LATS1: variants seen among roughly 807,000 people sequenced by gnomAD.
LATS1 encodes the protein large tumor suppressor kinase 1.
LATS1 carries 25 observed loss-of-function variants against 106.6 expected under a neutral mutation model. The observed-to-expected ratio is 0.23, with a 90% confidence interval of 0.17 to 0.33. The LOEUF is 0.33. LATS1 is among the 10% of genes least tolerant of loss of function. The pLI is 1.00. For synonymous variants in LATS1, 465 were observed against 455.6 expected, an observed-to-expected ratio of 1.02 and a Z score of -0.26; for missense variants, 1,040 against 1,382.6, an observed-to-expected ratio of 0.75 and a Z score of 3.93.
Position 149,662,089 on chromosome 6 carries a change from T to G in LATS1, c.3033A>C (p.Lys1011Asn), listed in dbSNP as rs1780908421. The change falls in exon 8 of 8, where the codon AAA (lysine) becomes AAC (asparagine). Residue 1011 changes from lysine to asparagine, a missense_variant. Physicochemically the swap from Lys to Asn is moderately conservative, Grantham distance 94 (BLOSUM62 0). Transcript: ENST00000543571. The part of the protein sequence containing the change: ...ADEIKAHPFF[K>N]TIDFSSDLRQ... ...TCAGGTCACTGGAGAAGTCAATTGT[T>G]TTAAAAAATGGATGAGCTTTTATTT... is the stretch of plus-strand genomic sequence containing the variant. 1.2e-6 allele frequency: 2 copies of G among 1,614,064 alleles called. No individual in the cohort carries two copies. Among genetic ancestry groups the G allele is most frequent in the Non-Finnish European group, 1.7e-6 (2 of 1,180,044 alleles).
In LATS1 at chr6:149,669,195, G is replaced by A. The variant is rs566576990; in HGVS notation, c.2884-6957C>T. 4.5e-4 allele frequency among the ~76,000 whole-genome samples: 68 copies of A among 151,672 alleles called. 1 individual carries two copies. The South Asian group carries it at 0.012, about 26-fold the overall frequency. ...GTTACCCAGGCTGGAGTGCAGTGGC[G>A]CCATCTCGGCTCACTTCAAGCTCTG... On this transcript the variant is annotated intron_variant, in intron 7 of 7. Transcript: ENST00000543571.
At position 149,702,229 on chromosome 6, in the gene LATS1, A is replaced by T; in HGVS notation, c.-103T>A. Reference sequence around the variant, plus strand: ...AAAATGATCCTTCAAGGAAGTCCCCAGGACTGTTAAAATTCTTTACAATAT... The same window carrying T: ...AAAATGATCCTTCAAGGAAGTCCCCTGGACTGTTAAAATTCTTTACAATAT... On this transcript the variant is annotated 5_prime_UTR_variant, in exon 2 of 8. Transcript: ENST00000543571. 1 of 667,828 alleles carries T rather than the reference A, an allele frequency of 1.5e-6. No individual in the cohort carries two copies. Among genetic ancestry groups the T allele is most frequent in the Non-Finnish European group, 2.5e-6 (1 of 393,234 alleles). The allele number at this position is 667,828 out of a possible 1,614,324, so 41.4% of individuals were successfully genotyped here. A position where few individuals can be genotyped will look rare whatever the true frequency, so the allele number is the denominator to read the frequency against.
intron 4 of LATS1, among the ~76,000 whole-genome samples, chr6:149,682,430 T>C (rs1782099743): frequency 6.6e-6 from 1 of 151,212 alleles, no homozygotes; most frequent in African/African-American, 2.4e-5. Context: ...TTTTTTTTTT[T>C]TGAGACGGAG....
At chr6:149,665,874 G>A (rs1023751068) in intron 7 of LATS1, among the ~76,000 whole-genome samples, 2 of 152,054 alleles carry the variant, frequency 1.3e-5, no homozygotes, top group East Asian at 3.9e-4. Flanking sequence ...TGGGCACGGT[G>A]GCTCACGCTG....
chr6:149,711,148 A>C (rs1198072860), intron 1 of LATS1, among the ~76,000 whole-genome samples: 1 of 152,282 alleles, frequency 6.6e-6, no homozygotes, highest in Admixed American at 6.5e-5. Context: ...TTACCAATAC[A>C]TGTGAACTTC....
intron 3 of LATS1, among the ~76,000 whole-genome samples, chr6:149,687,579 A>G (rs1201856056): frequency 1.3e-5 from 2 of 151,402 alleles, no homozygotes; most frequent in African/African-American, 2.4e-5. Flanking sequence ...ACAGGCATGC[A>G]TCACCATGCC....
chr6:149,687,995 C>A (rs1231557037), intron 3 of LATS1, among the ~76,000 whole-genome samples: 5 of 152,006 alleles, frequency 3.3e-5, no homozygotes, highest in Admixed American at 6.6e-5. Flanking sequence ...CTGCCTCAGC[C>A]TCCTGAGTAG....
intron 3 of LATS1, among the ~76,000 whole-genome samples, chr6:149,688,210 A>G (rs900232119): frequency 6.6e-6 from 1 of 151,566 alleles, no homozygotes; most frequent in Non-Finnish European, 1.5e-5. Context: ...ATTTTATCCA[A>G]CTTAAATCCA....
At chr6:149,664,822 T>C (rs1415874418) in intron 7 of LATS1, among the ~76,000 whole-genome samples, 1 of 152,162 alleles carries the variant, frequency 6.6e-6, no homozygotes, top group African/African-American at 2.4e-5. Flanking sequence ...CCCGAGTAAC[T>C]GGGACTACAG....
intron 3 of LATS1, among the ~76,000 whole-genome samples, chr6:149,687,827 C>T (rs892595318): frequency 2.0e-5 from 3 of 151,786 alleles, no homozygotes; most frequent in Admixed American, 1.3e-4. Flanking sequence ...CCTTGGCCTC[C>T]AAAGTGCTGG....
intron 7 of LATS1, among the ~76,000 whole-genome samples, chr6:149,673,525 A>G (rs994922319): frequency 1.3e-5 from 2 of 151,870 alleles, no homozygotes; most frequent in Non-Finnish European, 2.9e-5. Context: ...TCTCTCTCTC[A>G]TACACCTACA....
intron 1 of LATS1, among the ~76,000 whole-genome samples, chr6:149,715,172 G>A (rs1295924057): frequency 1.3e-5 from 2 of 152,174 alleles, no homozygotes; most frequent in East Asian, 3.9e-4. Context: ...GGGTTCAAGT[G>A]ATTCTCCTGC....
At position 149,683,952 on chromosome 6, in the gene LATS1, T is replaced by C; in HGVS notation, c.1137A>G (p.Thr379=). Residue 379 remains threonine (T), a synonymous_variant, in exon 4 of 8, where the codon ACA becomes ACG. Transcript: ENST00000543571. ...CAGAAGGGCTTTGTCCATTAGCTGC[T>C]GTCAGAGGATATGGAGGTGGTGGCT... ...NRQPPPPYPL[T]AANGQSPSAL... The C allele has an allele frequency of 1.9e-6, 3 of 1,614,258 alleles. No homozygotes were observed. Among genetic ancestry groups the C allele is most frequent in the Non-Finnish European group, 1.7e-6 (2 of 1,180,044 alleles).
chr6:149,711,098 A>G (rs562673361), intron 1 of LATS1, among the ~76,000 whole-genome samples: 2 of 152,278 alleles, frequency 1.3e-5, no homozygotes, highest in African/African-American at 2.4e-5. Flanking sequence ...CAACCAAATG[A>G]GAGGAGGAGG....
At chr6:149,687,873 CTTTT>C (rs1040108644) in intron 3 of LATS1, among the ~76,000 whole-genome samples, 1 of 133,856 alleles carries the variant, frequency 7.5e-6, no homozygotes. Context: ...TGACCCTCCT[CTTTT>C]TTTTTTTTTT....
At chr6:149,694,281 G>A (rs572572428) in intron 3 of LATS1, among the ~76,000 whole-genome samples, 7 of 152,204 alleles carry the variant, frequency 4.6e-5, no homozygotes, top group African/African-American at 1.4e-4. Flanking sequence ...AAATAAAGCC[G>A]ATGCCCAAAA....
In LATS1 at chr6:149,691,994, T is replaced by G. The variant is rs2114883590; in HGVS notation, c.496+3080A>C. 2.0e-5 allele frequency among the ~76,000 whole-genome samples: 3 copies of G among 152,318 alleles called. No individual in the cohort carries two copies. In the South Asian group the frequency reaches 6.2e-4, roughly 32 times the overall value. On this transcript the variant is annotated intron_variant, in intron 3 of 7. Transcript: ENST00000543571. ...CCCATCCCTCTTAATTCATTTATTT[T>G]CTTCACTGCTATCGCCCAAGCCCAA...
rs555230114 is a variant in LATS1, at chr6:149,666,111, C to T, written c.2884-3873G>A. On this transcript the variant is annotated intron_variant, in intron 7 of 7. Coordinates refer to ENST00000543571, the MANE Select transcript of LATS1 (RefSeq NM_004690.4). ...GATCGCACCACTGCACTCACTCCAG[C>T]CTGGGTGACAGAGAGAGACTCCGTC... Among the ~76,000 whole-genome samples the T allele has an allele frequency of 1.2e-3, 149 of 129,512 alleles. 1 individual carries two copies. Among genetic ancestry groups the T allele is most frequent in the South Asian group, 4.1e-3 (17 of 4,116 alleles). The allele number at this position is 129,512 out of a possible 152,430, so 85.0% of individuals were successfully genotyped here.
intron 7 of LATS1, among the ~76,000 whole-genome samples, chr6:149,673,096 CTTTTT>C (rs199602290): frequency 4.2e-5 from 5 of 119,108 alleles, no homozygotes; most frequent in Admixed American, 9.0e-5. Flanking sequence ...CTTTTCTTTT[CTTTTT>C]TTTTTTTTTT....
Sources: allele counts gnomAD v4.1 joint callset (sites outside exome capture counted in the v4.1 genomes callset), GRCh38; gene constraint gnomAD v4.1.1; transcripts MANE v1.5; gene names NCBI Gene and HGNC (gene_info 2026-07-23, HGNC 2026-07-21).